MALRD1: variants seen among roughly 807,000 people sequenced by gnomAD.
The protein encoded by MALRD1 is MAM and LDL-receptor class A domain-containing protein 1.
A neutral mutation model predicts 242.1 loss-of-function variants in MALRD1; 247 were observed. The ratio of observed to expected loss-of-function variants is 1.02; its 90% CI spans 0.92 to 1.13. The LOEUF is 1.13. MALRD1 is among the 50% of genes most tolerant of loss of function. MALRD1 has a pLI of 0.00. For missense variants in MALRD1, 2,989 were observed against 2,533.1 expected (o/e 1.18, Z -3.86); for synonymous variants, 995 against 866.6 (o/e 1.15, Z -2.60).
intron 34 of MALRD1, among the ~76,000 whole-genome samples, chr10:19,603,143 T>C (rs1838445492): frequency 6.6e-6 from 1 of 152,190 alleles, no homozygotes; most frequent in Non-Finnish European, 1.5e-5. Flanking sequence ...TTCTGTAGGT[T>C]GCCTGTTCAC....
intron 38 of MALRD1, among the ~76,000 whole-genome samples, chr10:19,695,155 G>C (rs4747381): frequency 0.83 from 125,636 of 152,042 alleles, 52,540 homozygotes; most frequent in Non-Finnish European, 0.89. Context: ...ACACCAACAT[G>C]GTGCATGTAT....
At position 19,439,152 on chromosome 10, in the gene MALRD1, AT is replaced by A. The variant is rs570323212; in HGVS notation, c.4846-11152del. On this transcript the variant is annotated intron_variant, in intron 28 of 39. Coordinates refer to ENST00000454679, the MANE Select transcript of MALRD1 (RefSeq NM_001142308.3). Reference sequence around the variant, plus strand: ...AAATTATAATTTTAATTAAAATTTAATTTAAAAATTACATAAAATAGCCATT... The same window carrying A: ...AAATTATAATTTTAATTAAAATTTAATTAAAAATTACATAAAATAGCCATT... Among the ~76,000 whole-genome samples, 264 of 152,260 alleles carry A rather than the reference AT, an allele frequency of 1.7e-3. 2 individuals carry two copies. Among genetic ancestry groups the A allele is most frequent in the Non-Finnish European group, 3.0e-3 (205 of 68,014 alleles).
intron 29 of MALRD1, among the ~76,000 whole-genome samples, chr10:19,462,668 T>G (rs1200651450): frequency 6.6e-6 from 1 of 152,232 alleles, no homozygotes; most frequent in African/African-American, 2.4e-5. Flanking sequence ...CAATAAATAT[T>G]AATACAGTAC....
intron 22 of MALRD1, among the ~76,000 whole-genome samples, chr10:19,325,209 A>G (rs1475108378): frequency 6.6e-6 from 1 of 151,794 alleles, no homozygotes; most frequent in Non-Finnish European, 1.5e-5. Context: ...ATGTATTATA[A>G]TCTATTAGTA....
intron 38 of MALRD1, among the ~76,000 whole-genome samples, chr10:19,701,718 C>T (rs1425836873): frequency 4.3e-5 from 5 of 115,738 alleles, no homozygotes; most frequent in African/African-American, 1.6e-4. Flanking sequence ...CCCCTACCCT[C>T]CCCCTCCCTT....
At chr10:19,243,663 T>C (rs1838905364) in intron 18 of MALRD1, among the ~76,000 whole-genome samples, 1 of 152,142 alleles carries the variant, frequency 6.6e-6, no homozygotes, top group Non-Finnish European at 1.5e-5. Flanking sequence ...GCTGCACAAT[T>C]AGACAACCAA....
At chr10:19,369,190 A>G (rs1215842126) in intron 26 of MALRD1, among the ~76,000 whole-genome samples, 3 of 144,490 alleles carry the variant, frequency 2.1e-5, no homozygotes, top group Admixed American at 7.1e-5. Flanking sequence ...TATATTATAT[A>G]TAAGCTAATA....
At chr10:19,696,507 G>T (rs1833384220) in intron 38 of MALRD1, among the ~76,000 whole-genome samples, 1 of 152,050 alleles carries the variant, frequency 6.6e-6, no homozygotes, top group Admixed American at 6.6e-5. Flanking sequence ...TCTTCAGCCT[G>T]CAGTCATGTG....
chr10:19,491,200 G>T, intron 29 of MALRD1: 2 of 546,676 alleles, frequency 3.7e-6, no homozygotes, highest in Non-Finnish European at 6.8e-6. Flanking sequence ...TTGGTGGCAG[G>T]CTGCACATAC....
rs71387049 is a variant in MALRD1 at position 19,171,429 on chromosome 10, CATATATAT to C, written c.1831-3757_1831-3750del. On this transcript the variant is annotated intron_variant, in intron 13 of 39. Transcript: ENST00000454679. Reference sequence around the variant, plus strand: ...GTCACAACATTTTATATTTTATATACATATATATATATATATATATATATATATACACA... The same window carrying C: ...GTCACAACATTTTATATTTTATATACATATATATATATATATATATACACA... 7.0e-4 allele frequency among the ~76,000 whole-genome samples: 43 copies of C among 61,420 alleles called. 1 individual carries two copies. Among genetic ancestry groups the C allele is most frequent in the Admixed American group, 1.2e-3 (6 of 5,092 alleles). 40.3% of individuals were successfully genotyped at this position (61,420 alleles called of 152,430 possible). A position where few individuals can be genotyped will look rare whatever the true frequency, so the allele number is the denominator to read the frequency against.
chr10:19,344,745 T>C (rs1844035265), intron 24 of MALRD1, among the ~76,000 whole-genome samples: 1 of 151,510 alleles, frequency 6.6e-6, no homozygotes, highest in Non-Finnish European at 1.5e-5. Flanking sequence ...ATATTTTTAA[T>C]ATATTGAGTT....
rs74514034 is a variant in MALRD1 at position 19,641,545 on chromosome 10, C to G, written c.6137+25622C>G. Reference sequence around the variant, plus strand: ...TACCATATTGGTCATCATTTAGAACCCTTTGTTAGACTCTAGTTCTTCTTT... The same window carrying G: ...TACCATATTGGTCATCATTTAGAACGCTTTGTTAGACTCTAGTTCTTCTTT... On this transcript the variant is annotated intron_variant, in intron 36 of 39. Transcript: ENST00000454679. Among the ~76,000 whole-genome samples, 1,402 of 152,042 alleles carry G rather than the reference C, an allele frequency of 9.2e-3. 19 individuals are homozygous for G. The highest frequency in any genetic ancestry group is 0.032 in the African/African-American group (1,315 of 41,492).
At chr10:19,259,837 T>A (rs1839669605) in intron 19 of MALRD1, among the ~76,000 whole-genome samples, 1 of 152,168 alleles carries the variant, frequency 6.6e-6, no homozygotes, top group South Asian at 2.1e-4. Context: ...CACAACACAG[T>A]TTCTTTCTTA....
At chr10:19,565,666 G>A (rs1397668389) in intron 32 of MALRD1, among the ~76,000 whole-genome samples, 3 of 152,180 alleles carry the variant, frequency 2.0e-5, no homozygotes, top group African/African-American at 7.2e-5. Context: ...TCCTGGAGCT[G>A]AAGATTCTTT....
At chr10:19,492,119 G>A (rs1465869564) in intron 30 of MALRD1, among the ~76,000 whole-genome samples, 5 of 151,990 alleles carry the variant, frequency 3.3e-5, no homozygotes, top group Non-Finnish European at 7.4e-5. Context: ...AAGAGGACTG[G>A]TTGGGCTCCA....
Position 19,070,907 on chromosome 10 carries a change from A to G in MALRD1, c.340+4048A>G, listed in dbSNP as rs1051112724. Among the ~76,000 whole-genome samples, 6 of 116,380 alleles carry G rather than the reference A, an allele frequency of 5.2e-5. No homozygotes were observed. In the East Asian group the frequency reaches 1.8e-3, roughly 34 times the overall value. 76.3% of individuals were successfully genotyped at this position (116,380 alleles called of 152,430 possible). A position where few individuals can be genotyped will look rare whatever the true frequency, so the allele number is the denominator to read the frequency against. ...GGCTCTGTTGCCCAAGCTGGAGTGT[A>G]GTGGTGTGATCTCAGCTCACTACAG... On this transcript the variant is annotated intron_variant, in intron 2 of 39. Coordinates refer to ENST00000454679, the MANE Select transcript of MALRD1 (RefSeq NM_001142308.3).
intron 33 of MALRD1, among the ~76,000 whole-genome samples, chr10:19,591,497 G>GTTTTTTTTTTTTTTTTTTTTTTTTTT (rs35785107): frequency 8.6e-6 from 1 of 116,296 alleles, no homozygotes; most frequent in Non-Finnish European, 1.8e-5. Context: ...TTTTATTTTA[G>GTTTTTTTTTTTTTTTTTTTTTTTTTT]TTTTTTTTTT....
intron 26 of MALRD1, among the ~76,000 whole-genome samples, chr10:19,381,686 A>G (rs537627672): frequency 1.3e-5 from 2 of 151,730 alleles, no homozygotes; most frequent in Admixed American, 1.3e-4. Flanking sequence ...AAAAAAAAAA[A>G]AAATTAGCCG....
intron 32 of MALRD1, among the ~76,000 whole-genome samples, chr10:19,557,631 G>T (rs909266754): frequency 1.3e-5 from 2 of 152,098 alleles, no homozygotes; most frequent in African/African-American, 4.8e-5. Context: ...TCCATTATCA[G>T]TGTGTCTATT....
Sources: allele counts gnomAD v4.1 joint callset (sites outside exome capture counted in the v4.1 genomes callset), GRCh38; gene constraint gnomAD v4.1.1; transcripts MANE v1.5; gene names NCBI Gene and HGNC (gene_info 2026-07-23, HGNC 2026-07-21).